GNB1L: variants seen among roughly 807,000 people sequenced by gnomAD.
GNB1L encodes guanine nucleotide-binding protein subunit beta-like protein 1.
In GNB1L, 20 loss-of-function variants were observed where a neutral mutation model predicts 29.1. That is an observed-to-expected ratio of 0.69 (90% CI 0.48 to 1.00). GNB1L has a LOEUF of 1.00. GNB1L is among the 50% of genes least tolerant of loss of function. The pLI, the probability that GNB1L is intolerant of heterozygous loss-of-function variation, is 0.00. For synonymous variants in GNB1L, 193 were observed against 206.5 expected (o/e 0.93, Z 0.56); for missense variants, 421 against 464.9 (o/e 0.91, Z 0.87).
rs555448810 is a variant in GNB1L, at chr22:19,800,206, T to C, written c.732+1795A>G. 2.2e-4 allele frequency among the ~76,000 whole-genome samples: 34 copies of C among 152,306 alleles called. 1 individual carries two copies. Among genetic ancestry groups the C allele is most frequent in the South Asian group, 1.5e-3 (7 of 4,820 alleles). ...CTGGACTGGAACATGCCCCATAAAT[T>C]ACAGTCCTAAGTTCCAGCAGCTGTT... is the stretch of plus-strand genomic sequence containing the variant. On this transcript the variant is annotated intron_variant, in intron 7 of 7. Transcript: ENST00000329517.
At chr22:19,811,540 C>T (rs1243709142) in intron 5 of GNB1L, among the ~76,000 whole-genome samples, 11 of 152,182 alleles carry the variant, frequency 7.2e-5, no homozygotes, top group African/African-American at 2.7e-4. Flanking sequence ...CCTCCCCGCA[C>T]ATCTTGGGCA....
At chr22:19,826,701 T>C (rs887247970) in intron 2 of GNB1L, among the ~76,000 whole-genome samples, 6 of 152,164 alleles carry the variant, frequency 3.9e-5, no homozygotes, top group African/African-American at 2.4e-5. Flanking sequence ...AAAATGTGTA[T>C]CTTCAATGGA....
At chr22:19,848,519 A>G in intron 2 of GNB1L, 1 of 985,532 alleles carries the variant, frequency 1.0e-6, no homozygotes, top group African/African-American at 1.7e-5. Flanking sequence ...AGGCCATGCC[A>G]GAGTCCATCG....
chr22:19,848,683 G>A (rs922637808), intron 2 of GNB1L: 85 of 985,310 alleles, frequency 8.6e-5, no homozygotes, highest in Non-Finnish European at 9.5e-5. Context: ...GCCTGCCTAG[G>A]TGGATGCTGC....
At chr22:19,827,936 C>G (rs1937632221) in intron 2 of GNB1L, among the ~76,000 whole-genome samples, 1 of 152,190 alleles carries the variant, frequency 6.6e-6, no homozygotes, top group African/African-American at 2.4e-5. Context: ...TGGCTAGCAA[C>G]TGCAGAAAGG....
At chr22:19,820,450 A>C (rs760168926) in intron 4 of GNB1L, 148 bp downstream of exon 4, 1 of 818,584 alleles carries the variant, frequency 1.2e-6, no homozygotes, top group African/African-American at 1.7e-5. Flanking sequence ...CTGGACCTGC[A>C]CACCCTGCCC....
intron 7 of GNB1L, among the ~76,000 whole-genome samples, chr22:19,798,235 C>T (rs1056379163): frequency 1.3e-5 from 2 of 151,648 alleles, no homozygotes; most frequent in Admixed American, 6.6e-5. Context: ...ACCTGTCATG[C>T]GTGTGGGGTT....
chr22:19,847,803 GCAAAAAA>G lies in GNB1L; in HGVS notation c.-21+6633_-21+6639del, dbSNP rs1016094439. On this transcript the variant is annotated intron_variant, in intron 2 of 7. Transcript: ENST00000329517. ...AACTTTTAAAATCCTGGAATCATAG[GCAAAAAA>G]AAAAAAAAAAAAAAATTCACCCATA... 6.8e-6 allele frequency: 3 copies of G among 440,436 alleles called. No homozygotes were observed. The African/African-American group carries it at 1.3e-4, about 19-fold the overall frequency. The allele number at this position is 440,436 out of a possible 1,614,324, so 27.3% of individuals were successfully genotyped here. A position where few individuals can be genotyped will look rare whatever the true frequency, so the allele number is the denominator to read the frequency against.
At chr22:19,808,315 C>G (rs2145872662) in intron 5 of GNB1L, among the ~76,000 whole-genome samples, 1 of 152,302 alleles carries the variant, frequency 6.6e-6, no homozygotes, top group Middle Eastern at 3.4e-3. Context: ...TCAGGGGGAG[C>G]CAACCATCTG....
At chr22:19,789,860 C>T (rs12483857) in intron 7 of GNB1L, among the ~76,000 whole-genome samples, 16,665 of 150,452 alleles carry the variant, frequency 0.11, 1,425 homozygotes, top group East Asian at 0.44. Flanking sequence ...AAAAAAGATA[C>T]GCTCTAATAA....
chr22:19,832,637 G>A (rs551355824), intron 2 of GNB1L, among the ~76,000 whole-genome samples: 23 of 152,264 alleles, frequency 1.5e-4, no homozygotes, highest in African/African-American at 4.8e-4. Flanking sequence ...CCTCTCTCAC[G>A]GTGCTGCCCC....
chr22:19,852,452 G>C, intron 2 of GNB1L: 1 of 619,368 alleles, frequency 1.6e-6, no homozygotes, highest in Admixed American at 3.1e-5. Flanking sequence ...GAAGAGCTGA[G>C]AGACTGTCAG....
chr22:19,838,393 C>T (rs955115604), intron 2 of GNB1L, among the ~76,000 whole-genome samples: 3 of 152,192 alleles, frequency 2.0e-5, no homozygotes, highest in African/African-American at 4.8e-5. Flanking sequence ...CAACTGGAAC[C>T]TTGTTGGTGA....
Position 19,809,426 on chromosome 22 carries a change from C to G in GNB1L, c.418-2669G>C, listed in dbSNP as rs1937473650. On this transcript the variant is annotated intron_variant, in intron 5 of 7. Transcript: ENST00000329517. ...TCAATAAAACCTTGCACTCATTCTCCAAGCCCATGTGTGATCCAATTCTTC... is the reference window on the plus strand; with the variant it reads ...TCAATAAAACCTTGCACTCATTCTCGAAGCCCATGTGTGATCCAATTCTTC... 2.0e-5 allele frequency among the ~76,000 whole-genome samples: 3 copies of G among 152,286 alleles called. No homozygotes were observed. In the South Asian group the frequency reaches 6.2e-4, roughly 32 times the overall value.
chr22:19,817,422 A>G (rs959164853), intron 4 of GNB1L, among the ~76,000 whole-genome samples: 2 of 151,984 alleles, frequency 1.3e-5, no homozygotes, highest in Non-Finnish European at 1.5e-5. Context: ...CGGAGGTTGC[A>G]GTGAGCCAAG....
At chr22:19,847,385 C>T (rs1194833790) in intron 2 of GNB1L, 1 of 985,294 alleles carries the variant, frequency 1.0e-6, no homozygotes, top group Admixed American at 6.2e-5. Flanking sequence ...TGGGCTTTTC[C>T]AGTTCTGCTG....
intron 4 of GNB1L, among the ~76,000 whole-genome samples, 162 bp from the exon 5 acceptor site, chr22:19,812,609 C>T (rs1937510635): frequency 6.6e-6 from 1 of 152,246 alleles, no homozygotes; most frequent in Non-Finnish European, 1.5e-5. Context: ...GGCCTCACCG[C>T]TCTGGCATTG....
intron 6 of GNB1L, among the ~76,000 whole-genome samples, chr22:19,805,042 C>G (rs1307023346): frequency 6.6e-6 from 1 of 152,192 alleles, no homozygotes; most frequent in Non-Finnish European, 1.5e-5. Flanking sequence ...CACATGGAGC[C>G]CAGTGACCCA....
chr22:19,815,366 T>C (rs768875518), intron 4 of GNB1L, among the ~76,000 whole-genome samples: 21 of 152,160 alleles, frequency 1.4e-4, no homozygotes, highest in Non-Finnish European at 2.9e-4. Flanking sequence ...AAAATGTACC[T>C]GGACATTTGG....
Sources: gnomAD v4.1 joint callset for allele counts (sites outside exome capture counted in the v4.1 genomes callset) on GRCh38, gnomAD v4.1.1 for gene constraint, MANE v1.5 for transcripts, NCBI Gene and HGNC (gene_info 2026-07-23, HGNC 2026-07-21) for gene names.